Variants in SPHKAP observed in about 807,000 individuals in gnomAD.
SPHKAP encodes SPHK1 interactor, AKAP domain containing, also known as A-kinase anchor protein SPHKAP.
SPHKAP carries 67 observed loss-of-function variants against 137.5 expected under a neutral mutation model. The observed-to-expected ratio is 0.49, with a 90% CI of 0.40 to 0.60. SPHKAP has a LOEUF of 0.60. Ranked by LOEUF, SPHKAP falls within the 20% of genes least tolerant of loss-of-function variation. The probability of loss-of-function intolerance (pLI) is 0.00; values close to 1 mark genes in which losing one functional copy is unlikely to be tolerated. For synonymous variants in SPHKAP, 813 were observed against 785.3 expected (o/e 1.04, Z -0.59); for missense variants, 2,097 against 2,069.3 (o/e 1.01, Z -0.26).
At chr2:228,154,512 C>CTCTCTATATATATATATATA (rs1393941364) in intron 1 of SPHKAP, among the ~76,000 whole-genome samples, 6 of 22,068 alleles carry the variant, frequency 2.7e-4, no homozygotes, top group Non-Finnish European at 3.7e-4. Context: ...CTCTCTCTCT[C>CTCTCTATATATATATATATA]TATATATATA....
At chr2:228,137,399 T>A (rs1023474585) in intron 1 of SPHKAP, among the ~76,000 whole-genome samples, 8 of 152,216 alleles carry the variant, frequency 5.3e-5, no homozygotes, top group Non-Finnish European at 8.8e-5. Flanking sequence ...GTGCTGACAG[T>A]TGGTGAGATA....
intron 1 of SPHKAP, among the ~76,000 whole-genome samples, chr2:228,145,148 T>C (rs1324086352): frequency 2.0e-5 from 3 of 152,182 alleles, no homozygotes; most frequent in Non-Finnish European, 4.4e-5. Flanking sequence ...GCCAAACCTC[T>C]TGGAGCCGGC....
chr2:228,141,594 G>C (rs1312306875), intron 1 of SPHKAP, among the ~76,000 whole-genome samples: 1 of 152,062 alleles, frequency 6.6e-6, no homozygotes, highest in Admixed American at 6.6e-5. Flanking sequence ...TTCTTCTGCT[G>C]ACTATTAACT....
intron 2 of SPHKAP, among the ~76,000 whole-genome samples, chr2:228,128,136 A>G (rs948858691): frequency 6.6e-6 from 1 of 152,194 alleles, no homozygotes; most frequent in Non-Finnish European, 1.5e-5. Flanking sequence ...TATTTTCATG[A>G]AAGATTTCTC....
In SPHKAP at chr2:228,021,711, C is replaced by A; in HGVS notation, c.697G>T (p.Asp233Tyr). ...GAGGCACTAATTGGAAAGTTCTCAC[C>A]GTTCCTAGATTCATCCACCTCGCTT... Reference protein sequence around the residue: ...EESEVDESRNDYENINVSANV... With the variant: ...EESEVDESRNYYENINVSANV... Residue 233 changes from aspartate (D) to tyrosine (Y), a missense_variant and splice_region_variant, in exon 6 of 12, where the codon GAT becomes TAT. Physicochemically the swap from Asp to Tyr is radical, Grantham distance 160 (BLOSUM62 -3). Coordinates refer to ENST00000392056, the MANE Select transcript of SPHKAP (RefSeq NM_001142644.2). 1.2e-6 allele frequency: 2 copies of A among 1,607,084 alleles called. No homozygotes were observed. The highest frequency in any genetic ancestry group is 8.5e-7 in the Non-Finnish European group (1 of 1,177,284).
intron 3 of SPHKAP, among the ~76,000 whole-genome samples, chr2:228,059,727 GAAT>G (rs1296862047): frequency 6.6e-6 from 1 of 152,158 alleles, no homozygotes; most frequent in Admixed American, 6.5e-5. Flanking sequence ...TACCAATAAA[GAAT>G]AATGTTTTCA....
intron 2 of SPHKAP, among the ~76,000 whole-genome samples, chr2:228,115,972 C>T (rs577695138): frequency 2.6e-5 from 4 of 152,186 alleles, no homozygotes; most frequent in Admixed American, 2.0e-4. Flanking sequence ...AAGCTTTTTG[C>T]CCTTCTCCCA....
At chr2:228,031,038 G>A (rs11883639) in intron 3 of SPHKAP, among the ~76,000 whole-genome samples, 14 of 152,272 alleles carry the variant, frequency 9.2e-5, no homozygotes, top group Admixed American at 1.3e-4. Context: ...TGGATGCAGC[G>A]CACCGTGCAT....
intron 1 of SPHKAP, among the ~76,000 whole-genome samples, chr2:228,178,696 C>T (rs1366197776): frequency 1.3e-5 from 2 of 151,868 alleles, no homozygotes; most frequent in African/African-American, 4.8e-5. Flanking sequence ...TCAGAAAACA[C>T]TTGGATTCCA....
chr2:228,051,765 T>C (rs1260442426), intron 3 of SPHKAP, among the ~76,000 whole-genome samples: 1 of 152,158 alleles, frequency 6.6e-6, no homozygotes, highest in East Asian at 1.9e-4. Context: ...GTTCTGAAGG[T>C]TGGGAAGTCC....
chr2:228,051,557 C>T (rs912277883), intron 3 of SPHKAP, among the ~76,000 whole-genome samples: 1 of 152,138 alleles, frequency 6.6e-6, no homozygotes, highest in East Asian at 1.9e-4. Context: ...CACCCAGATC[C>T]AGAAACGCCT....
chr2:228,094,566 T>C (rs1697922747), intron 3 of SPHKAP, among the ~76,000 whole-genome samples: 1 of 152,184 alleles, frequency 6.6e-6, no homozygotes, highest in East Asian at 1.9e-4. Context: ...AAAGAGTGTT[T>C]CCAATGTCAA....
At chr2:228,133,551 A>G (rs2106377515) in intron 1 of SPHKAP, among the ~76,000 whole-genome samples, 1 of 152,298 alleles carries the variant, frequency 6.6e-6, no homozygotes, top group Non-Finnish European at 1.5e-5. Context: ...TATTGGTTTA[A>G]TATTTGTTCT....
At chr2:228,053,768 G>A (rs764927141) in intron 3 of SPHKAP, among the ~76,000 whole-genome samples, 2 of 152,110 alleles carry the variant, frequency 1.3e-5, no homozygotes, top group Non-Finnish European at 2.9e-5. Flanking sequence ...TCCCTCTGAA[G>A]TCTTGTAATG....
chr2:228,025,864 A>C (rs534543621), intron 4 of SPHKAP: 1 of 984,918 alleles, frequency 1.0e-6, no homozygotes, highest in Admixed American at 6.1e-5. Context: ...ACCTTGCATA[A>C]AACATTTTTT....
intron 11 of SPHKAP, among the ~76,000 whole-genome samples, chr2:227,984,801 T>C (rs1693154419): frequency 6.6e-6 from 1 of 152,186 alleles, no homozygotes; most frequent in Admixed American, 6.5e-5. Context: ...GGTTGTTGAT[T>C]TGTTTCTCGA....
rs780266628 is a variant in SPHKAP, at chr2:228,016,714, T to C, written c.4140A>G (p.Lys1380=). 2.5e-6 allele frequency: 4 copies of C among 1,613,996 alleles called. No homozygotes were observed. The East Asian group carries it at 8.9e-5, about 36-fold the overall frequency. The change falls in exon 7 of 12, where the codon AAA becomes AAG. Residue 1380 remains lysine, a synonymous_variant. Coordinates refer to ENST00000392056, the MANE Select transcript of SPHKAP (RefSeq NM_001142644.2). ...TGCTCAAAGATGACACTGGGGGCTG[T>C]TTACATTCGGTAACAGAGTCTTTCC... The part of the protein sequence containing the change: ...CPRKDSVTEC[K]QPPVSSLSKT...
At chr2:228,062,366 C>G (rs552038518) in intron 3 of SPHKAP, among the ~76,000 whole-genome samples, 2 of 152,026 alleles carry the variant, frequency 1.3e-5, no homozygotes, top group East Asian at 3.9e-4. Flanking sequence ...CTCAGGTGAT[C>G]CACCTGCCTC....
rs138000815 is a variant in SPHKAP, at chr2:228,050,062, A to G, written c.247-22519T>C. Reference sequence around the variant, plus strand: ...ACAGACACTTCTTAAAAAAACACGTACAAGTGGCCCACAAACATATGAAGA... The same window carrying G: ...ACAGACACTTCTTAAAAAAACACGTGCAAGTGGCCCACAAACATATGAAGA... On this transcript the variant is annotated intron_variant, in intron 3 of 11. Coordinates refer to ENST00000392056, the MANE Select transcript of SPHKAP (RefSeq NM_001142644.2). Among the ~76,000 whole-genome samples, 176 of 152,284 alleles carry G rather than the reference A, an allele frequency of 1.2e-3. 5 individuals carry two copies. The East Asian group carries it at 0.029, about 25-fold the overall frequency.
Sources: allele counts gnomAD v4.1 joint callset (sites outside exome capture counted in the v4.1 genomes callset), GRCh38; gene constraint gnomAD v4.1.1; transcripts MANE v1.5; gene names NCBI Gene and HGNC (gene_info 2026-07-23, HGNC 2026-07-21).